The following MCC variants were observed in gnomAD, a reference collection of about 807,000 sequenced individuals.
The protein encoded by MCC is MCC regulator of Wnt signaling pathway, also known as colorectal mutant cancer protein.
Under a neutral mutation model 116.2 loss-of-function variants are expected in MCC, and 90 were observed. The observed-to-expected ratio is 0.77, with a 90% confidence interval of 0.65 to 0.92. The LOEUF is 0.92. Among genes scored for constraint, MCC ranks in the 40% least tolerant of loss-of-function variants. MCC has a pLI of 0.00. For missense variants in MCC, 1,516 were observed against 1,312.2 expected, an observed-to-expected ratio of 1.16 and a Z score of -2.40; for synonymous variants, 578 against 510.5, an observed-to-expected ratio of 1.13 and a Z score of -1.78.
chr5:113,092,639 A>G (rs945108042), intron 8 of MCC, among the ~76,000 whole-genome samples: 1 of 152,232 alleles, frequency 6.6e-6, no homozygotes, highest in Admixed American at 6.5e-5. Context: ...CTAAGAATAC[A>G]TGATTTTCAG....
intron 3 of MCC, among the ~76,000 whole-genome samples, chr5:113,217,050 G>C (rs937372023): frequency 6.6e-6 from 1 of 152,162 alleles, no homozygotes; most frequent in Non-Finnish European, 1.5e-5. Flanking sequence ...ACATGGCTAG[G>C]GTCGTCTCAG....
chr5:113,213,383 G>C (rs1185136803), intron 3 of MCC, among the ~76,000 whole-genome samples: 1 of 152,192 alleles, frequency 6.6e-6, no homozygotes, highest in Non-Finnish European at 1.5e-5. Flanking sequence ...GGGAGATAAA[G>C]AAATCTGTTT....
intron 8 of MCC, among the ~76,000 whole-genome samples, chr5:113,100,280 G>T (rs189433101): frequency 6.6e-6 from 1 of 152,142 alleles, no homozygotes; most frequent in Admixed American, 6.5e-5. Context: ...TTCAAAAATA[G>T]TAATTTCTTC....
rs927295503 is a variant in MCC at position 113,340,447 on chromosome 5, A to C, written c.627+72T>G. 13 of 1,303,736 alleles carry C rather than the reference A, an allele frequency of 1.0e-5. No individual in the cohort carries two copies. The African/African-American group carries it at 1.9e-4, about 19-fold the overall frequency. The allele number at this position is 1,303,736 out of a possible 1,614,324, so 80.8% of individuals were successfully genotyped here. ...CAATACCCGATATGTCCCCTGGAGC[A>C]CAAAATTAAAATATTTGTATTGGAA... is the stretch of plus-strand genomic sequence containing the variant. On this transcript the variant is annotated intron_variant, in intron 3 of 18. Transcript: ENST00000408903.
At chr5:113,381,286 C>T (rs561403080) in intron 2 of MCC, among the ~76,000 whole-genome samples, 21 of 152,174 alleles carry the variant, frequency 1.4e-4, no homozygotes, top group Admixed American at 3.3e-4. Context: ...GCAGATATTT[C>T]CTAGGTAAAG....
intron 16 of MCC, among the ~76,000 whole-genome samples, chr5:113,048,095 G>C (rs1209497593): frequency 6.6e-6 from 1 of 152,176 alleles, no homozygotes; most frequent in East Asian, 1.9e-4. Context: ...TCAGCAGTGA[G>C]ACTCCTCACT....
intron 3 of MCC, among the ~76,000 whole-genome samples, chr5:113,189,842 C>G (rs2150313123): frequency 6.6e-6 from 1 of 152,316 alleles, no homozygotes; most frequent in East Asian, 1.9e-4. Flanking sequence ...CTTAATTAAG[C>G]AGCCACCTAT....
intron 6 of MCC, 35 bp from the exon 7 acceptor site, chr5:113,104,390 G>T: frequency 2.6e-6 from 4 of 1,558,848 alleles, no homozygotes; most frequent in Non-Finnish European, 3.5e-6. Flanking sequence ...CGTTACACAG[G>T]GCAACAAATG....
At chr5:113,399,309 C>A (rs1466430366) in intron 1 of MCC, among the ~76,000 whole-genome samples, 1 of 152,034 alleles carries the variant, frequency 6.6e-6, no homozygotes, top group Admixed American at 6.6e-5. Flanking sequence ...CAAGGTGAAA[C>A]CCTGTCTCTA....
At chr5:113,482,376 G>A (rs772787546) in intron 1 of MCC, among the ~76,000 whole-genome samples, 5 of 152,044 alleles carry the variant, frequency 3.3e-5, no homozygotes, top group Non-Finnish European at 4.4e-5. Flanking sequence ...CATTGCTATC[G>A]GCAATATAGA....
At chr5:113,483,883 G>A (rs542134588) in intron 1 of MCC, among the ~76,000 whole-genome samples, 31 of 152,186 alleles carry the variant, frequency 2.0e-4, no homozygotes, top group African/African-American at 5.5e-4. Flanking sequence ...ACTAGATCGC[G>A]TCCTTTGCAA....
chr5:113,145,022 G>T (rs1461619712), intron 4 of MCC, among the ~76,000 whole-genome samples: 1 of 152,190 alleles, frequency 6.6e-6, no homozygotes, highest in Non-Finnish European at 1.5e-5. Flanking sequence ...TCTCATCCAT[G>T]ATCCTACATA....
intron 12 of MCC, among the ~76,000 whole-genome samples, chr5:113,068,426 G>A (rs1400047809): frequency 6.6e-6 from 1 of 152,194 alleles, no homozygotes; most frequent in Admixed American, 6.5e-5. Flanking sequence ...AAAGGTGGGA[G>A]AGGCAAATGT....
At chr5:113,028,104 CT>C (rs879474930) in intron 18 of MCC, among the ~76,000 whole-genome samples, 17 of 152,174 alleles carry the variant, frequency 1.1e-4, no homozygotes, top group Non-Finnish European at 2.5e-4. Context: ...AGTCATTACC[CT>C]TACAGCTGCA....
Position 113,065,865 on chromosome 5 carries a change from G to A in MCC, c.2030-1698C>T, listed in dbSNP as rs562234577. On this transcript the variant is annotated intron_variant, in intron 13 of 18. Coordinates refer to ENST00000408903, the MANE Select transcript of MCC (RefSeq NM_001085377.2). ...GGAATGCAAGGGCGAGGCTTAATGGGGAACTGCTAAAAATCAAGCCTGCCC... is the reference window on the plus strand; with the variant it reads ...GGAATGCAAGGGCGAGGCTTAATGGAGAACTGCTAAAAATCAAGCCTGCCC... Among the ~76,000 whole-genome samples the A allele has an allele frequency of 2.6e-5, 4 of 152,288 alleles. No homozygotes were observed. The South Asian group carries it at 6.2e-4, about 24-fold the overall frequency.
chr5:113,101,942 C>CT lies in MCC; in HGVS notation c.1194dup (p.Val399SerfsTer5). 2 of 1,613,844 alleles carry CT rather than the reference C, an allele frequency of 1.2e-6. No homozygotes were observed. The highest frequency in any genetic ancestry group is 1.7e-6 in the Non-Finnish European group (2 of 1,179,998). ...CCAAGCACCCCCTCAATCTCCTCGACTGTCTGTAAAACACAGCCCCAAAGA... is the reference window on the plus strand; with the variant it reads ...CCAAGCACCCCCTCAATCTCCTCGACTTGTCTGTAAAACACAGCCCCAAAGA... On this transcript the variant is annotated frameshift_variant, in exon 8 of 19. Transcript: ENST00000408903. LOFTEE classifies it high-confidence loss of function.
chr5:113,364,262 C>CCAAAAA (rs1768630594), intron 2 of MCC, among the ~76,000 whole-genome samples: 1 of 78,606 alleles, frequency 1.3e-5, no homozygotes, highest in African/African-American at 5.8e-5. Flanking sequence ...AAAAAAAAAC[C>CCAAAAA]AGAAAAAAAA....
intron 3 of MCC, among the ~76,000 whole-genome samples, chr5:113,210,417 G>GGAATATAAC (rs34673929): frequency 2.0e-5 from 3 of 151,932 alleles, no homozygotes; most frequent in Non-Finnish European, 4.4e-5. Context: ...TGGAATATAA[G>GGAATATAAC]CTTAACAACA....
intron 1 of MCC, among the ~76,000 whole-genome samples, chr5:113,452,334 C>G (rs1415028892): frequency 6.6e-6 from 1 of 152,138 alleles, no homozygotes; most frequent in Non-Finnish European, 1.5e-5. Context: ...TGTGTCCCCC[C>G]CAAATTCATA....
Sources: gnomAD v4.1 joint callset for allele counts (sites outside exome capture counted in the v4.1 genomes callset) on GRCh38, gnomAD v4.1.1 for gene constraint, MANE v1.5 for transcripts, NCBI Gene and HGNC (gene_info 2026-07-23, HGNC 2026-07-21) for gene names.